RIPOR2: variants seen among roughly 807,000 people sequenced by gnomAD.
The protein encoded by RIPOR2 is RHO family interacting cell polarization regulator 2, also known as rho family-interacting cell polarization regulator 2.
A neutral mutation model predicts 114.5 loss-of-function variants in RIPOR2; 39 were observed. That is an observed-to-expected ratio of 0.34 (90% confidence interval 0.26 to 0.44). The LOEUF (loss-of-function observed/expected upper bound fraction) is 0.44, where lower values mean the gene tolerates loss of function less well. Among genes scored for constraint, RIPOR2 ranks in the 20% least tolerant of loss-of-function variants. The pLI, the probability that RIPOR2 is intolerant of heterozygous loss-of-function variation, is 1.00. For missense variants in RIPOR2, 1,007 were observed against 1,255.1 expected, an observed-to-expected ratio of 0.80 and a Z score of 2.99; for synonymous variants, 445 against 484.4, an observed-to-expected ratio of 0.92 and a Z score of 1.07.
chr6:24,930,830 C>T (rs893951956), intron 1 of RIPOR2, among the ~76,000 whole-genome samples: 5 of 152,202 alleles, frequency 3.3e-5, no homozygotes, highest in Admixed American at 2.0e-4. Context: ...CTAGGGCAGC[C>T]TCTTTCTGCC....
At chr6:24,867,198 G>A (rs1764691612) in intron 6 of RIPOR2, among the ~76,000 whole-genome samples, 1 of 152,220 alleles carries the variant, frequency 6.6e-6, no homozygotes, top group African/African-American at 2.4e-5. Flanking sequence ...AGGGTCAGTG[G>A]ATTTATCTTT....
intron 1 of RIPOR2, among the ~76,000 whole-genome samples, chr6:24,932,714 G>C (rs1183154714): frequency 6.6e-6 from 1 of 152,106 alleles, no homozygotes; most frequent in African/African-American, 2.4e-5. Context: ...TTCTAAATCT[G>C]TGTAACCTCT....
intron 1 of RIPOR2, among the ~76,000 whole-genome samples, chr6:24,914,944 T>G (rs1769954337): frequency 6.6e-6 from 1 of 152,224 alleles, no homozygotes; most frequent in Admixed American, 6.5e-5. Context: ...CCCTTATCTA[T>G]CTATCTGTCT....
intron 1 of RIPOR2, among the ~76,000 whole-genome samples, chr6:24,928,869 C>A (rs939742227): frequency 8.5e-5 from 13 of 152,168 alleles, no homozygotes; most frequent in Non-Finnish European, 1.8e-4. Context: ...CGAGTGTGTT[C>A]TCTCTTCCTC....
chr6:24,939,616 A>G (rs1772010653), upstream of RIPOR2, among the ~76,000 whole-genome samples: 1 of 152,216 alleles, frequency 6.6e-6, no homozygotes, highest in Non-Finnish European at 1.5e-5. Flanking sequence ...TCGAATCCAT[A>G]TTAGAAAAGA....
At position 24,865,403 on chromosome 6, in the gene RIPOR2, A is replaced by T; in HGVS notation, c.549T>A (p.Asp183Glu). 6.2e-7 allele frequency: 1 copy of T among 1,613,680 alleles called. No individual in the cohort carries two copies. The highest frequency in any genetic ancestry group is 1.3e-5 in the African/African-American group (1 of 75,050). Reference sequence around the variant, plus strand: ...AGGCTTGCTTCATTTTGCTGGCACCATCCTGGAGGCGTCGCTGGATACAAT... The same window carrying T: ...AGGCTTGCTTCATTTTGCTGGCACCTTCCTGGAGGCGTCGCTGGATACAAT... ...EAYCIQRRLQ[D>E]GASKMKQAFA... is the part of the protein sequence containing the mutation. The change falls in exon 7 of 22, where the codon GAT (aspartate) becomes GAA (glutamate). Residue 183 changes from aspartate (D) to glutamate (E), a missense_variant. Asp to Glu is a conservative substitution (Grantham distance 45). Coordinates refer to ENST00000643898, the MANE Select transcript of RIPOR2 (RefSeq NM_001286445.3).
At position 24,805,100 on chromosome 6, in the gene RIPOR2, G is replaced by C. The variant is rs1780693099; in HGVS notation, c.*1273C>G. The C allele has an allele frequency of 1.3e-5, 2 of 152,046 alleles. No homozygotes were observed. Among genetic ancestry groups the C allele is most frequent in the East Asian group, 3.8e-4 (2 of 5,200 alleles). 9.4% of individuals were successfully genotyped at this position (152,046 alleles called of 1,614,324 possible). ...ATGTTCCTCCACTCCTACTCCATTAGGATTTCTCTGACTTCTAGGTTCCTC... is the reference window on the plus strand; with the variant it reads ...ATGTTCCTCCACTCCTACTCCATTACGATTTCTCTGACTTCTAGGTTCCTC... On this transcript the variant is annotated 3_prime_UTR_variant, in exon 22 of 22. Transcript: ENST00000643898.
At chr6:24,986,206 GTAT>G (rs1774523597) in intron 1 of RIPOR2, among the ~76,000 whole-genome samples, 1 of 152,114 alleles carries the variant, frequency 6.6e-6, no homozygotes, top group African/African-American at 2.4e-5. Flanking sequence ...TCTGTGATAG[GTAT>G]TATTATTATA....
rs1776415767 is a variant in RIPOR2, at chr6:25,023,181, A to G, written c.76+18670T>C. 8.3e-6 allele frequency: 5 copies of G among 604,498 alleles called. No homozygotes were observed. In the Admixed American group the frequency reaches 9.3e-5, roughly 11 times the overall value. The allele number at this position is 604,498 out of a possible 1,614,324, so 37.4% of individuals were successfully genotyped here. On this transcript the variant is annotated intron_variant, in intron 1 of 13. Coordinates refer to the RIPOR2 transcript ENST00000510784. The stretch of plus-strand genomic sequence containing the variant: ...CAAGTCACAATTACAAATTATCACA[A>G]CAATTAGCGCCTGTACTTGGGGGAT...
At chr6:24,830,252 C>T (rs1306247003) in intron 17 of RIPOR2, among the ~76,000 whole-genome samples, 1 of 152,218 alleles carries the variant, frequency 6.6e-6, no homozygotes, top group Non-Finnish European at 1.5e-5. Context: ...TGACGTGAGC[C>T]ACTGCGCCTG....
intron 13 of RIPOR2, chr6:24,840,666 T>C (rs1479090020): frequency 2.6e-6 from 4 of 1,533,998 alleles, no homozygotes; most frequent in Non-Finnish European, 3.5e-6. Flanking sequence ...CAAAAGCACA[T>C]GGGAAAACGT....
At chr6:24,825,586 G>C (rs1760098478) in intron 18 of RIPOR2, among the ~76,000 whole-genome samples, 158 bp from the exon 19 acceptor site, 1 of 152,174 alleles carries the variant, frequency 6.6e-6, no homozygotes, top group Non-Finnish European at 1.5e-5. Context: ...TTTCAGATTG[G>C]TGAGAAAAGG....
intron 1 of RIPOR2, among the ~76,000 whole-genome samples, chr6:24,914,931 C>T (rs1341141994): frequency 2.0e-5 from 3 of 152,130 alleles, no homozygotes; most frequent in South Asian, 2.1e-4. Flanking sequence ...TTGTACCTAC[C>T]GACCCTTATC....
At chr6:24,975,999 C>T (rs1191139507) in intron 1 of RIPOR2, among the ~76,000 whole-genome samples, 1 of 152,012 alleles carries the variant, frequency 6.6e-6, no homozygotes, top group African/African-American at 2.4e-5. Flanking sequence ...TGTATTTTGC[C>T]AGAGTTAAAA....
intron 12 of RIPOR2, among the ~76,000 whole-genome samples, chr6:24,844,868 A>C (rs1443299227): frequency 6.6e-6 from 1 of 152,012 alleles, no homozygotes; most frequent in Non-Finnish European, 1.5e-5. Context: ...ATTATATAGA[A>C]ACTGACAAAT....
intron 1 of RIPOR2, among the ~76,000 whole-genome samples, chr6:25,022,531 C>CTTTTTT (rs1561848668): frequency 6.2e-5 from 4 of 64,512 alleles, no homozygotes; most frequent in Non-Finnish European, 1.0e-4. Context: ...TGGTACCTTC[C>CTTTTTT]ATTTTTTTTT....
intron 19 of RIPOR2, among the ~76,000 whole-genome samples, chr6:24,820,504 C>T (rs892445010): frequency 2.0e-4 from 31 of 152,162 alleles, no homozygotes; most frequent in South Asian, 8.3e-4. Flanking sequence ...AAATCCTGTA[C>T]CCATTAGTAG....
At chr6:24,958,958 C>CTTTTCTTTTTTT (rs1554124804) in intron 1 of RIPOR2, among the ~76,000 whole-genome samples, 2 of 123,220 alleles carry the variant, frequency 1.6e-5, no homozygotes, top group African/African-American at 7.0e-5. Flanking sequence ...TCTACATTTT[C>CTTTTCTTTTTTT]TTTTTTTTTT....
intron 1 of RIPOR2, chr6:25,023,102 C>T (rs1776411854): frequency 2.2e-6 from 1 of 451,694 alleles, no homozygotes; most frequent in African/African-American, 2.0e-5. Context: ...CTTCAGGGGA[C>T]CAGGGAACAA....
Sources: gnomAD v4.1 joint callset for allele counts (sites outside exome capture counted in the v4.1 genomes callset) on GRCh38, gnomAD v4.1.1 for gene constraint, MANE v1.5 for transcripts, NCBI Gene and HGNC (gene_info 2026-07-23, HGNC 2026-07-21) for gene names.